PLD1: variants seen among roughly 807,000 people sequenced by gnomAD.
The protein encoded by PLD1 is phospholipase D1, also known as choline phosphatase 1.
In PLD1, 112 loss-of-function variants were observed where a neutral mutation model predicts 137.1. That is an observed-to-expected ratio of 0.82 (90% CI 0.70 to 0.96). The LOEUF is 0.96. PLD1 is among the 40% of genes least tolerant of loss of function. PLD1 has a pLI of 0.00. For synonymous variants in PLD1, 431 were observed against 454.7 expected, an observed-to-expected ratio of 0.95 and a Z score of 0.66; for missense variants, 1,321 against 1,342.0, an observed-to-expected ratio of 0.98 and a Z score of 0.24.
chr3:171,713,762 T>A, intron 9 of PLD1, 131 bp downstream of exon 9: 1 of 734,098 alleles, frequency 1.4e-6, no homozygotes, highest in South Asian at 1.8e-5. Flanking sequence ...GTTTCATTAC[T>A]ATTGATTGAG....
intron 1 of PLD1, among the ~76,000 whole-genome samples, chr3:171,805,803 A>ACCC (rs1723821678): frequency 6.6e-6 from 1 of 152,188 alleles, no homozygotes; most frequent in Non-Finnish European, 1.5e-5. Flanking sequence ...CTCTGGGTGC[A>ACCC]AGCTGCCTGG....
intron 7 of PLD1, 30 bp downstream of exon 7, chr3:171,725,988 A>G: frequency 6.7e-7 from 1 of 1,489,472 alleles, no homozygotes; most frequent in Non-Finnish European, 9.4e-7. Context: ...AATTTTTCAT[A>G]CTTCTCTTTT....
In PLD1 at chr3:171,611,444, G is replaced by A. The variant is rs377759366; in HGVS notation, c.2882+835C>T. 1.2e-4 allele frequency: 45 copies of A among 363,214 alleles called. No homozygotes were observed. The East Asian group carries it at 1.7e-3, about 14-fold the overall frequency. 22.5% of individuals were successfully genotyped at this position (363,214 alleles called of 1,614,324 possible). A position where few individuals can be genotyped will look rare whatever the true frequency, so the allele number is the denominator to read the frequency against. On this transcript the variant is annotated intron_variant, in intron 25 of 26. Coordinates refer to ENST00000351298, the MANE Select transcript of PLD1 (RefSeq NM_002662.5). ...GTGTTGAGAAAACACAACAGGGGAC[G>A]TGGACAGTTACAGCGCAGCCCTTGA...
At chr3:171,717,940 T>C (rs141594599) in intron 8 of PLD1, among the ~76,000 whole-genome samples, 60 of 152,334 alleles carry the variant, frequency 3.9e-4, no homozygotes, top group African/African-American at 1.4e-3. Flanking sequence ...AAATGAAGGA[T>C]GTTGAATTCT....
intron 21 of PLD1, among the ~76,000 whole-genome samples, chr3:171,658,207 C>T (rs994525087): frequency 3.6e-4 from 54 of 152,108 alleles, no homozygotes; most frequent in African/African-American, 1.3e-3. Flanking sequence ...CTGGACCTCT[C>T]ATATACTATG....
At chr3:171,788,119 G>A (rs924273578) in intron 1 of PLD1, among the ~76,000 whole-genome samples, 9 of 151,714 alleles carry the variant, frequency 5.9e-5, no homozygotes, top group South Asian at 2.1e-4. Context: ...ACTTGAGCCC[G>A]GGAGGTTGAG....
At chr3:171,775,829 G>T (rs951279894) in intron 1 of PLD1, among the ~76,000 whole-genome samples, 1 of 151,508 alleles carries the variant, frequency 6.6e-6, no homozygotes, top group African/African-American at 2.4e-5. Context: ...GATGACAGAG[G>T]GACACTCTGT....
intron 8 of PLD1, among the ~76,000 whole-genome samples, chr3:171,719,229 A>C (rs1717911246): frequency 6.6e-6 from 1 of 152,232 alleles, no homozygotes; most frequent in South Asian, 2.1e-4. Flanking sequence ...TTCAAAAAAA[A>C]GCTGTTCTCC....
chr3:171,752,339 A>G (rs1317116003), intron 1 of PLD1, among the ~76,000 whole-genome samples: 2 of 152,252 alleles, frequency 1.3e-5, no homozygotes, highest in African/African-American at 4.8e-5. Flanking sequence ...AGGAGAACGC[A>G]GTTAGCAAGG....
rs1384705787 is a variant in PLD1 at position 171,653,131 on chromosome 3, G to C, written c.2429+6082C>G. On this transcript the variant is annotated intron_variant, in intron 21 of 26. Transcript: ENST00000351298. ...TATCTAATTTCACTAGGCCTCAGCT[G>C]CCTCATCTGTAGAATGGGAGTAATT... The C allele has an allele frequency of 3.9e-5, 6 of 152,078 alleles. No homozygotes were observed. In the East Asian group the frequency reaches 1.2e-3, roughly 29 times the overall value. The allele number at this position is 152,078 out of a possible 1,614,324, so 9.4% of individuals were successfully genotyped here.
chr3:171,632,832 C>A (rs1042934452), intron 23 of PLD1, among the ~76,000 whole-genome samples: 2 of 152,168 alleles, frequency 1.3e-5, no homozygotes, highest in Non-Finnish European at 2.9e-5. Flanking sequence ...TTTTCTAAAG[C>A]ACATCTATGT....
chr3:171,776,144 C>T (rs1418963650), intron 1 of PLD1, among the ~76,000 whole-genome samples: 3 of 152,204 alleles, frequency 2.0e-5, no homozygotes, highest in Non-Finnish European at 4.4e-5. Context: ...GGAACCCAAA[C>T]GTGCCTTGAA....
At chr3:171,700,403 C>T (rs1716148440) in intron 11 of PLD1, among the ~76,000 whole-genome samples, 1 of 151,996 alleles carries the variant, frequency 6.6e-6, no homozygotes, top group South Asian at 2.1e-4. Flanking sequence ...CTCTCTCTCC[C>T]TCTCTCTCAG....
chr3:171,724,084 A>G (rs546964778), intron 8 of PLD1, among the ~76,000 whole-genome samples: 1 of 152,348 alleles, frequency 6.6e-6, no homozygotes, highest in East Asian at 1.9e-4. Context: ...TATCCATAAT[A>G]CTGCTATTAT....
At chr3:171,604,435 T>C (rs1190576364) in intron 26 of PLD1, among the ~76,000 whole-genome samples, 1 of 151,868 alleles carries the variant, frequency 6.6e-6, no homozygotes, top group Admixed American at 6.6e-5. Context: ...AAATTGCGTA[T>C]TTTCCCTAAT....
chr3:171,710,417 G>A (rs1717088630), intron 9 of PLD1, among the ~76,000 whole-genome samples: 1 of 152,238 alleles, frequency 6.6e-6, no homozygotes, highest in Non-Finnish European at 1.5e-5. Flanking sequence ...GAGTAGTTTC[G>A]AGATGAAACC....
At chr3:171,611,392 G>A in intron 25 of PLD1, 1 of 292,158 alleles carries the variant, frequency 3.4e-6, no homozygotes, top group South Asian at 3.3e-5. Flanking sequence ...GAAGCAACAT[G>A]ATCTAGAAGG....
intron 1 of PLD1, among the ~76,000 whole-genome samples, chr3:171,747,457 C>T (rs1291814871): frequency 1.3e-5 from 2 of 150,524 alleles, no homozygotes; most frequent in African/African-American, 4.9e-5. Context: ...CCCTGCCTCT[C>T]TTCTCTTCCT....
chr3:171,649,557 G>C (rs1736552473), intron 21 of PLD1, among the ~76,000 whole-genome samples: 1 of 152,178 alleles, frequency 6.6e-6, no homozygotes, highest in Non-Finnish European at 1.5e-5. Flanking sequence ...ACAACATGGG[G>C]GTTGTGGAAA....
Sources: gnomAD v4.1 joint callset for allele counts (sites outside exome capture counted in the v4.1 genomes callset) on GRCh38, gnomAD v4.1.1 for gene constraint, MANE v1.5 for transcripts, NCBI Gene and HGNC (gene_info 2026-07-23, HGNC 2026-07-21) for gene names.